Variants in AFF3 observed in about 807,000 individuals in gnomAD.
The protein encoded by AFF3 is ALF transcription elongation factor 3, also known as AF4/FMR2 family member 3.
In AFF3, 32 loss-of-function variants were observed where a neutral mutation model predicts 129.7. The ratio of observed to expected loss-of-function variants is 0.25; its 90% CI spans 0.19 to 0.33. The LOEUF is 0.33. Ranked by LOEUF, AFF3 falls within the 10% of genes least tolerant of loss-of-function variation. The probability of loss-of-function intolerance (pLI) is 1.00; values close to 1 mark genes in which losing one functional copy is unlikely to be tolerated. For missense variants in AFF3, 1,373 were observed against 1,592.0 expected, an observed-to-expected ratio of 0.86 and a Z score of 2.34; for synonymous variants, 644 against 635.4, an observed-to-expected ratio of 1.01 and a Z score of -0.20.
At chr2:99,905,718 A>T (rs1013975041) in intron 7 of AFF3, among the ~76,000 whole-genome samples, 7 of 152,188 alleles carry the variant, frequency 4.6e-5, no homozygotes, top group Non-Finnish European at 7.3e-5. Flanking sequence ...TAAGGGCTGC[A>T]ATAAACCAAC....
At chr2:100,128,121 A>G (rs1403548683) in intron 2 of AFF3, among the ~76,000 whole-genome samples, 1 of 150,886 alleles carries the variant, frequency 6.6e-6, no homozygotes, top group African/African-American at 2.5e-5. Flanking sequence ...AATGGGAGGC[A>G]CGAATAATCC....
At chr2:100,045,566 GT>G (rs35208027) in intron 4 of AFF3, among the ~76,000 whole-genome samples, 201 of 143,446 alleles carry the variant, frequency 1.4e-3, no homozygotes, top group South Asian at 2.9e-3. Context: ...CTTATTGTAG[GT>G]TTTTTTTTTT....
intron 4 of AFF3, among the ~76,000 whole-genome samples, chr2:100,046,734 A>G (rs1291091375): frequency 2.6e-5 from 4 of 152,128 alleles, no homozygotes; most frequent in Non-Finnish European, 5.9e-5. Flanking sequence ...TTTTGGTCAA[A>G]GCTAAATAAA....
intron 4 of AFF3, among the ~76,000 whole-genome samples, chr2:100,009,727 T>C (rs1247090263): frequency 1.3e-5 from 2 of 152,160 alleles, no homozygotes; most frequent in African/African-American, 2.4e-5. Flanking sequence ...TCCTTCCCCC[T>C]AATAAGGAGA....
At chr2:99,895,644 A>G (rs1014738313) in intron 7 of AFF3, among the ~76,000 whole-genome samples, 1 of 152,022 alleles carries the variant, frequency 6.6e-6, no homozygotes, top group African/African-American at 2.4e-5. Flanking sequence ...CGTCCGGGCT[A>G]TGCTCTCCAT....
chr2:99,935,733 C>T (rs1292828788), intron 7 of AFF3, among the ~76,000 whole-genome samples: 5 of 152,168 alleles, frequency 3.3e-5, no homozygotes, highest in East Asian at 3.9e-4. Context: ...TCTAGTGCCA[C>T]TTTTCTATTT....
intron 14 of AFF3, 150 bp from the exon 15 acceptor site, chr2:99,594,439 C>T (rs1191537238): frequency 3.3e-6 from 4 of 1,197,330 alleles, no homozygotes; most frequent in Non-Finnish European, 4.6e-6. Flanking sequence ...AAGCATTAAG[C>T]GTGTGTGGCA....
Position 100,104,392 on chromosome 2 carries a change from G to C in AFF3, c.53+10C>G, listed in dbSNP as rs1188151822. The C allele has an allele frequency of 8.6e-7, 1 of 1,168,714 alleles. No homozygotes were observed. Among genetic ancestry groups the C allele is most frequent in the South Asian group, 1.9e-5 (1 of 51,810 alleles). The allele number at this position is 1,168,714 out of a possible 1,614,324, so 72.4% of individuals were successfully genotyped here. ...CCCGCCCGCCCGAAGCGGCCGGCAC[G>C]GGGACTTACCACAGTGACTCGAGGT... On this transcript the variant is annotated intron_variant, in intron 4 of 24. Transcript: ENST00000672756.
intron 7 of AFF3, among the ~76,000 whole-genome samples, chr2:99,906,286 A>C (rs1273336717): frequency 1.3e-5 from 2 of 152,188 alleles, no homozygotes; most frequent in Admixed American, 1.3e-4. Context: ...AGGAGGAAAG[A>C]GAAGCAAAGA....
chr2:99,699,901 A>G (rs1676674997), intron 11 of AFF3, among the ~76,000 whole-genome samples: 2 of 152,246 alleles, frequency 1.3e-5, no homozygotes, highest in East Asian at 1.9e-4. Flanking sequence ...TGTGGTGTCT[A>G]TGGGCTTCCA....
chr2:100,034,534 T>C (rs927765675), intron 4 of AFF3, among the ~76,000 whole-genome samples: 24 of 142,664 alleles, frequency 1.7e-4, no homozygotes, highest in African/African-American at 4.6e-4. Flanking sequence ...TAATTTTCCC[T>C]TTTTTTTTTT....
intron 11 of AFF3, among the ~76,000 whole-genome samples, chr2:99,719,778 C>T (rs1043884865): frequency 3.9e-5 from 6 of 152,138 alleles, no homozygotes; most frequent in African/African-American, 1.2e-4. Flanking sequence ...TGGCCGGGCA[C>T]GGTGGCTCAC....
chr2:99,755,290 T>C (rs1480916665), intron 8 of AFF3, among the ~76,000 whole-genome samples: 1 of 151,294 alleles, frequency 6.6e-6, no homozygotes, highest in Non-Finnish European at 1.5e-5. Context: ...TTTTTTGAGC[T>C]GGAGTTTTGC....
chr2:99,729,583 T>C (rs1213181093), intron 10 of AFF3, among the ~76,000 whole-genome samples: 3 of 152,200 alleles, frequency 2.0e-5, no homozygotes, highest in African/African-American at 7.2e-5. Context: ...CCCCACATCT[T>C]GAAATTTTAG....
chr2:100,099,370 G>A (rs1311417930), intron 4 of AFF3, among the ~76,000 whole-genome samples: 2 of 152,206 alleles, frequency 1.3e-5, no homozygotes, highest in African/African-American at 4.8e-5. Context: ...CCCCCTGGCA[G>A]TTGATTTGAA....
At chr2:100,138,674 T>C (rs1403663564) in intron 1 of AFF3, among the ~76,000 whole-genome samples, 3 of 152,152 alleles carry the variant, frequency 2.0e-5, no homozygotes, top group Non-Finnish European at 4.4e-5. Flanking sequence ...CCGGGTGCAG[T>C]GGCTCATGCC....
At chr2:99,720,220 A>T (rs1033505387) in intron 11 of AFF3, among the ~76,000 whole-genome samples, 1 of 152,006 alleles carries the variant, frequency 6.6e-6, no homozygotes, top group East Asian at 1.9e-4. Flanking sequence ...TTTGATCCCC[A>T]GTGTGGTGGT....
chr2:100,079,447 CA>C (rs1688866214), intron 4 of AFF3, among the ~76,000 whole-genome samples: 1 of 152,218 alleles, frequency 6.6e-6, no homozygotes, highest in African/African-American at 2.4e-5. Flanking sequence ...AACTAGGTTA[CA>C]AACTCCTTGA....
chr2:99,649,561 C>A, intron 13 of AFF3, 65 bp downstream of exon 13: 1 of 1,524,170 alleles, frequency 6.6e-7, no homozygotes, highest in African/African-American at 1.4e-5. Context: ...GAATTATATG[C>A]CACAATAAAT....
Sources: gnomAD v4.1 joint callset for allele counts (sites outside exome capture counted in the v4.1 genomes callset) on GRCh38, gnomAD v4.1.1 for gene constraint, MANE v1.5 for transcripts, NCBI Gene and HGNC (gene_info 2026-07-23, HGNC 2026-07-21) for gene names.